Variants in SARS1 observed in about 807,000 individuals in gnomAD.
SARS1 encodes the protein seryl-tRNA synthetase 1, also known as serine--tRNA ligase, cytoplasmic.
SARS1 carries 25 observed loss-of-function variants against 63.7 expected under a neutral mutation model. The observed-to-expected ratio is 0.39, with a 90% confidence interval of 0.29 to 0.55. SARS1 has a LOEUF of 0.55. SARS1 is among the 20% of genes least tolerant of loss of function. The probability of loss-of-function intolerance (pLI) is 0.62; values close to 1 mark genes in which losing one functional copy is unlikely to be tolerated. For missense variants in SARS1, 417 were observed against 649.7 expected (o/e 0.64, Z 3.89); for synonymous variants, 231 against 243.5 (o/e 0.95, Z 0.48).
At position 109,235,831 on chromosome 1, in the gene SARS1, T is replaced by C; in HGVS notation, c.970-146T>C. On this transcript the variant is annotated intron_variant, in intron 7 of 10. Transcript: ENST00000234677. This position sits in a 1 kb window ranked among gnomAD's most constrained non-coding sequence, Gnocchi z 4.7. ...AGCTCGCACCATAAGCATTTGCTCT[T>C]GTGGTCCAGTCCCAGTTGCTGGGGG... 1.3e-6 allele frequency: 1 copy of C among 741,878 alleles called. No individual in the cohort carries two copies. Among genetic ancestry groups the C allele is most frequent in the Non-Finnish European group, 2.2e-6 (1 of 446,698 alleles). 46.0% of individuals were successfully genotyped at this position (741,878 alleles called of 1,614,324 possible). A position where few individuals can be genotyped will look rare whatever the true frequency, so the allele number is the denominator to read the frequency against.
In SARS1 at chr1:109,237,841, G is replaced by A. The variant is rs781478150; in HGVS notation, c.1498G>A (p.Val500Ile). Residue 500 changes from valine to isoleucine, a missense_variant, in exon 11 of 11, where the codon GTC (valine) becomes ATC (isoleucine). Around this residue, in one of 3 missense-constraint regions of SARS1, gnomAD observed 43 missense variants for 68.1 expected, o/e 0.63. Coordinates refer to ENST00000234677, the MANE Select transcript of SARS1 (RefSeq NM_006513.4). The surrounding 1 kb of genome is among the most constrained non-coding windows in gnomAD (Gnocchi z 4.1). Reference sequence around the variant, plus strand: ...CAAAAAGAAAGCAGCAGCAAGAGACGTCACCCTAGAAAACAGGCTGCAGAA... The same window carrying A: ...CAAAAAGAAAGCAGCAGCAAGAGACATCACCCTAGAAAACAGGCTGCAGAA... ...GSKKKAAARD[V>I]TLENRLQNME... is the part of the protein sequence containing the mutation. The A allele has an allele frequency of 5.6e-6, 9 of 1,614,206 alleles. No individual in the cohort carries two copies. Among genetic ancestry groups the A allele is most frequent in the South Asian group, 2.2e-5 (2 of 91,082 alleles).
At chr1:109,215,139 A>G (rs1247080891) in intron 1 of SARS1, 2 of 985,422 alleles carry the variant, frequency 2.0e-6, no homozygotes, top group Non-Finnish European at 2.4e-6. Flanking sequence ...TCAAAAGAAT[A>G]TTTGTTTAAC....
At chr1:109,219,335 C>CTATATA (rs112352590) in intron 1 of SARS1, among the ~76,000 whole-genome samples, 11,700 of 126,828 alleles carry the variant, frequency 0.092, 612 homozygotes, top group South Asian at 0.12. Flanking sequence ...TATATACACA[C>CTATATA]TATATATATA....
Position 109,237,005 on chromosome 1 carries a change from A to T in SARS1, c.1258-239A>T. ...TTCCCTCAAAGGGCCCAACTCTCAG[A>T]ATACCAGAAGCTACCACTTGTCACT... is the stretch of plus-strand genomic sequence containing the variant. On this transcript the variant is annotated intron_variant, in intron 9 of 10. Coordinates refer to ENST00000234677, the MANE Select transcript of SARS1 (RefSeq NM_006513.4). The surrounding 1 kb of genome is among the most constrained non-coding windows in gnomAD (Gnocchi z 4.1). The T allele has an allele frequency of 7.5e-7, 1 of 1,341,422 alleles. No individual in the cohort carries two copies. The allele number at this position is 1,341,422 out of a possible 1,614,324, so 83.1% of individuals were successfully genotyped here. A position where few individuals can be genotyped will look rare whatever the true frequency, so the allele number is the denominator to read the frequency against.
At chr1:109,216,120 A>G in intron 1 of SARS1, 3 of 985,430 alleles carry the variant, frequency 3.0e-6, no homozygotes, top group Non-Finnish European at 3.6e-6. Flanking sequence ...CCAACTGCCC[A>G]AGGTAGACAC....
chr1:109,214,076 G>A lies in SARS1; in HGVS notation c.84G>A (p.Lys28=). The A allele has an allele frequency of 6.2e-6, 10 of 1,614,172 alleles. No homozygotes were observed. Among genetic ancestry groups the A allele is most frequent in the Non-Finnish European group, 8.5e-6 (10 of 1,180,020 alleles). Residue 28 remains lysine, a synonymous_variant, in exon 1 of 11, where the codon AAG becomes AAA. Coordinates refer to ENST00000234677, the MANE Select transcript of SARS1 (RefSeq NM_006513.4). The surrounding 1 kb of genome is among the most constrained non-coding windows in gnomAD (Gnocchi z 4.6). ...LIRETQEKRF[K]DPGLVDQLVK... Reference sequence around the variant, plus strand: ...GAGAGACGCAGGAGAAGCGCTTCAAGGACCCGGGACTAGTGGACCAGCTGG... The same window carrying A: ...GAGAGACGCAGGAGAAGCGCTTCAAAGACCCGGGACTAGTGGACCAGCTGG...
intron 1 of SARS1, among the ~76,000 whole-genome samples, chr1:109,222,389 G>A (rs79705656): frequency 0.13 from 19,393 of 152,054 alleles, 1,805 homozygotes; most frequent in East Asian, 0.45. Flanking sequence ...ACATGTGTGT[G>A]TGTAGTTCTG....
Position 109,235,889 on chromosome 1 carries a change from A to C in SARS1, c.970-88A>C. The C allele has an allele frequency of 7.6e-7, 1 of 1,323,214 alleles. No individual in the cohort carries two copies. The allele number at this position is 1,323,214 out of a possible 1,614,324, so 82.0% of individuals were successfully genotyped here. On this transcript the variant is annotated intron_variant, in intron 7 of 10. Coordinates refer to ENST00000234677, the MANE Select transcript of SARS1 (RefSeq NM_006513.4). This position sits in a 1 kb window ranked among gnomAD's most constrained non-coding sequence, Gnocchi z 4.7. ...TTGCCTGCCTCCCAGTGGTGTGGAA[A>C]CAGGTCTTCATGGCAAGGATGTCTC...
In SARS1 at chr1:109,214,437, G is replaced by A; in HGVS notation, c.136+309G>A. On this transcript the variant is annotated intron_variant, in intron 1 of 10. Coordinates refer to ENST00000234677, the MANE Select transcript of SARS1 (RefSeq NM_006513.4). This position sits in a 1 kb window ranked among gnomAD's most constrained non-coding sequence, Gnocchi z 4.6. ...CCCCAGGGGTTGCCAGAACATGCCGGGGCGGGAGGTTGTGGGGTCTACGCG... is the reference window on the plus strand; with the variant it reads ...CCCCAGGGGTTGCCAGAACATGCCGAGGCGGGAGGTTGTGGGGTCTACGCG... 1.2e-6 allele frequency: 1 copy of A among 809,166 alleles called. No individual in the cohort carries two copies. Among genetic ancestry groups the A allele is most frequent in the South Asian group, 3.1e-5 (1 of 32,144 alleles). 50.1% of individuals were successfully genotyped at this position (809,166 alleles called of 1,614,324 possible). A position where few individuals can be genotyped will look rare whatever the true frequency, so the allele number is the denominator to read the frequency against.
chr1:109,215,734 C>T (rs1396811806), intron 1 of SARS1: 4 of 829,088 alleles, frequency 4.8e-6, no homozygotes, highest in Non-Finnish European at 5.8e-6. Context: ...GAGACGGAGT[C>T]TCTCATTATC....
chr1:109,234,208 G>A (rs1450416940), intron 6 of SARS1, among the ~76,000 whole-genome samples: 2 of 151,826 alleles, frequency 1.3e-5, no homozygotes, highest in East Asian at 3.9e-4. Flanking sequence ...ATGTTTAGTA[G>A]AGACGGGGTT....
chr1:109,213,900 G>T, upstream of SARS1: 3 of 1,454,042 alleles, frequency 2.1e-6, no homozygotes, highest in Non-Finnish European at 2.7e-6. Context: ...CGCAGGAAGG[G>T]CGGGTCAGCG....
At chr1:109,226,663 T>TAAA (rs66652692) in intron 2 of SARS1, among the ~76,000 whole-genome samples, 911 of 55,270 alleles carry the variant, frequency 0.016, 17 homozygotes, top group Middle Eastern at 0.043. Context: ...CTGGCTAATT[T>TAAA]AAAAAAAAAA....
At chr1:109,230,170 C>T (rs890401296) in intron 4 of SARS1, among the ~76,000 whole-genome samples, 24 of 151,120 alleles carry the variant, frequency 1.6e-4, no homozygotes, top group Admixed American at 7.9e-4. Context: ...CAATGAGAGC[C>T]TGGAAAAAAA....
In SARS1 at chr1:109,214,982, G is replaced by C. The variant is rs146139983; in HGVS notation, c.136+854G>C. 31 of 985,470 alleles carry C rather than the reference G, an allele frequency of 3.1e-5. No individual in the cohort carries two copies. The Middle Eastern group carries it at 1.6e-3, about 50-fold the overall frequency. 61.0% of individuals were successfully genotyped at this position (985,470 alleles called of 1,614,324 possible). A position where few individuals can be genotyped will look rare whatever the true frequency, so the allele number is the denominator to read the frequency against. On this transcript the variant is annotated intron_variant, in intron 1 of 10. Transcript: ENST00000234677. This position sits in a 1 kb window ranked among gnomAD's most constrained non-coding sequence, Gnocchi z 4.6. ...GTTGGGCGGATGCTGTCAAGTACTT[G>C]TGATTTGATTTGTCTGATGCAATAG...
intron 3 of SARS1, among the ~76,000 whole-genome samples, chr1:109,228,935 A>G (rs564317309): frequency 6.6e-6 from 1 of 152,340 alleles, no homozygotes; most frequent in African/African-American, 2.4e-5. Context: ...GCTTGCCTCA[A>G]AGAAATAAGA....
chr1:109,228,891 G>A (rs969306352), intron 3 of SARS1, among the ~76,000 whole-genome samples: 1 of 152,128 alleles, frequency 6.6e-6, no homozygotes, highest in African/African-American at 2.4e-5. Context: ...TCTCGGATTG[G>A]GGGCCTGAAC....
At chr1:109,234,826 C>G (rs1183934002) in intron 6 of SARS1, among the ~76,000 whole-genome samples, 1 of 152,022 alleles carries the variant, frequency 6.6e-6, no homozygotes, top group Non-Finnish European at 1.5e-5. Context: ...ATTAGCTGAG[C>G]GTGGTGGCGC....
chr1:109,235,302 C>T lies in SARS1; in HGVS notation c.840C>T (p.His280=), dbSNP rs772243596. 1 of 1,614,000 alleles carries T rather than the reference C, an allele frequency of 6.2e-7. No homozygotes were observed. Among genetic ancestry groups the T allele is most frequent in the Non-Finnish European group, 8.5e-7 (1 of 1,180,000 alleles). The stretch of plus-strand genomic sequence containing the variant: ...CAGAGCAGCCCATTGCTGCCCTGCA[C>T]CGGGATGAGTGGCTCCGGCCGGAGG... The part of the protein sequence containing the change: ...ATSEQPIAAL[H]RDEWLRPEDL... Residue 280 remains histidine (H), a synonymous_variant, in exon 7 of 11, where the codon CAC becomes CAT. Coordinates refer to ENST00000234677, the MANE Select transcript of SARS1 (RefSeq NM_006513.4). The surrounding 1 kb of genome is among the most constrained non-coding windows in gnomAD (Gnocchi z 4.7).
Sources: gnomAD v4.1 joint callset for allele counts (sites outside exome capture counted in the v4.1 genomes callset) on GRCh38, gnomAD v4.1.1 for gene constraint, gnomAD v4.1.1 regional missense constraint, Gnocchi (gnomAD v3.1) non-coding constraint, MANE v1.5 for transcripts, NCBI Gene and HGNC (gene_info 2026-07-23, HGNC 2026-07-21) for gene names.